TBC1D22A: variants seen among roughly 807,000 people sequenced by gnomAD.
The protein encoded by TBC1D22A is putative GTPase activator.
TBC1D22A carries 38 observed loss-of-function variants against 60.2 expected under a neutral mutation model. The ratio of observed to expected loss-of-function variants is 0.63; its 90% CI spans 0.49 to 0.83. The LOEUF is 0.83. Among genes scored for constraint, TBC1D22A ranks in the 40% least tolerant of loss-of-function variants. TBC1D22A has a pLI of 0.00. For missense variants in TBC1D22A, 628 were observed against 701.0 expected (o/e 0.90, Z 1.18); for synonymous variants, 302 against 281.7 (o/e 1.07, Z -0.72).
At chr22:47,053,358 G>C (rs933386544) in intron 11 of TBC1D22A, among the ~76,000 whole-genome samples, 3 of 152,234 alleles carry the variant, frequency 2.0e-5, no homozygotes, top group Admixed American at 2.0e-4. Flanking sequence ...GAGCCTGGGG[G>C]CTTTGCTATC....
intron 9 of TBC1D22A, among the ~76,000 whole-genome samples, chr22:46,983,901 C>G (rs1316853228): frequency 7.9e-6 from 1 of 127,038 alleles, no homozygotes; most frequent in Non-Finnish European, 1.7e-5. Context: ...TGGGCCGATT[C>G]CAGCTGAGGG....
intron 5 of TBC1D22A, among the ~76,000 whole-genome samples, chr22:46,882,835 A>G (rs1030218299): frequency 2.0e-5 from 3 of 152,240 alleles, no homozygotes; most frequent in Admixed American, 1.3e-4. Context: ...GGGTCTGGCA[A>G]ACATCATGAC....
intron 12 of TBC1D22A, among the ~76,000 whole-genome samples, chr22:47,167,821 G>A (rs945714158): frequency 2.0e-5 from 3 of 152,194 alleles, no homozygotes; most frequent in African/African-American, 7.2e-5. Flanking sequence ...GTAAGACGGG[G>A]ATGGAAGTTC....
intron 10 of TBC1D22A, among the ~76,000 whole-genome samples, chr22:47,022,112 A>G (rs974866273): frequency 2.0e-5 from 3 of 152,178 alleles, no homozygotes; most frequent in Non-Finnish European, 2.9e-5. Context: ...TGAGCACCAA[A>G]TGTTGGACAT....
intron 9 of TBC1D22A, among the ~76,000 whole-genome samples, chr22:46,984,980 G>A (rs2074666430): frequency 6.6e-6 from 1 of 152,212 alleles, no homozygotes; most frequent in East Asian, 1.9e-4. Context: ...GCTTCTTACA[G>A]TGCTTGCTCC....
At chr22:46,907,304 T>C (rs2069559384) in intron 7 of TBC1D22A, among the ~76,000 whole-genome samples, 1 of 152,180 alleles carries the variant, frequency 6.6e-6, no homozygotes. Flanking sequence ...TTCAATGGAG[T>C]TACTTCTGCC....
intron 8 of TBC1D22A, among the ~76,000 whole-genome samples, chr22:46,951,767 G>A (rs901422484): frequency 2.0e-5 from 3 of 152,198 alleles, no homozygotes; most frequent in Admixed American, 2.0e-4. Context: ...TTGTGCTGCC[G>A]GAAGCAGAAG....
intron 4 of TBC1D22A, among the ~76,000 whole-genome samples, chr22:46,822,322 TGGCCTTTTG>T (rs201177654): frequency 0.014 from 2,134 of 152,270 alleles, 48 homozygotes; most frequent in African/African-American, 0.048. Context: ...TGAGGCACTC[TGGCCTTTTG>T]GGTTTTCAGC....
At chr22:46,935,380 T>C (rs2071586201) in intron 8 of TBC1D22A, among the ~76,000 whole-genome samples, 1 of 152,148 alleles carries the variant, frequency 6.6e-6, no homozygotes, top group Non-Finnish European at 1.5e-5. Flanking sequence ...TCAAAAAAAT[T>C]ATAATCCTGA....
At chr22:47,120,459 CT>C in intron 12 of TBC1D22A, among the ~76,000 whole-genome samples, 1 of 152,318 alleles carries the variant, frequency 6.6e-6, no homozygotes. Flanking sequence ...TAACAAAATG[CT>C]TTTTAAGTTC....
chr22:46,967,769 C>T (rs1461303345), intron 8 of TBC1D22A, among the ~76,000 whole-genome samples: 1 of 152,102 alleles, frequency 6.6e-6, no homozygotes, highest in Non-Finnish European at 1.5e-5. Flanking sequence ...TTTTCGAGAA[C>T]CCCCTGGTAA....
chr22:47,132,526 G>C (rs1216154852), intron 12 of TBC1D22A, among the ~76,000 whole-genome samples: 9 of 145,954 alleles, frequency 6.2e-5, no homozygotes, highest in Non-Finnish European at 1.1e-4. Flanking sequence ...CCGCCCTGCT[G>C]TCTCTGGCCT....
chr22:47,007,516 A>G (rs941925241), intron 10 of TBC1D22A, among the ~76,000 whole-genome samples: 2 of 152,212 alleles, frequency 1.3e-5, no homozygotes, highest in African/African-American at 4.8e-5. Context: ...AACATACCAC[A>G]GGCTGGTGGC....
At chr22:46,848,685 G>C (rs1286771937) in intron 4 of TBC1D22A, among the ~76,000 whole-genome samples, 1 of 152,148 alleles carries the variant, frequency 6.6e-6, no homozygotes, top group African/African-American at 2.4e-5. Context: ...TGCTGTTACT[G>C]TATATTACTT....
At chr22:47,051,063 C>T (rs1006177982) in intron 11 of TBC1D22A, among the ~76,000 whole-genome samples, 2 of 152,188 alleles carry the variant, frequency 1.3e-5, no homozygotes, top group Non-Finnish European at 2.9e-5. Context: ...CAGGGGGCTT[C>T]CGTGGGTTCT....
chr22:46,974,219 T>C, intron 8 of TBC1D22A, 71 bp from the exon 9 acceptor site: 2 of 1,304,514 alleles, frequency 1.5e-6, no homozygotes, highest in Non-Finnish European at 2.2e-6. Context: ...TGTTCCTCCG[T>C]GGGCCCCCTC....
chr22:46,972,639 G>A lies in TBC1D22A; in HGVS notation c.1016-1651G>A, dbSNP rs543419653. Reference sequence around the variant, plus strand: ...TTCGTGGTTGCCAGGCGTGGGGTGGGGAGTGGGGAGCGGCTGCTGAAGGGT... The same window carrying A: ...TTCGTGGTTGCCAGGCGTGGGGTGGAGAGTGGGGAGCGGCTGCTGAAGGGT... On this transcript the variant is annotated intron_variant, in intron 8 of 12. Coordinates refer to ENST00000337137, the MANE Select transcript of TBC1D22A (RefSeq NM_014346.5). Among the ~76,000 whole-genome samples, 6 of 152,312 alleles carry A rather than the reference G, an allele frequency of 3.9e-5. No individual in the cohort carries two copies. The East Asian group carries it at 1.2e-3, about 29-fold the overall frequency.
At chr22:46,917,276 T>A (rs929376765) in intron 8 of TBC1D22A, among the ~76,000 whole-genome samples, 3 of 151,684 alleles carry the variant, frequency 2.0e-5, no homozygotes, top group Admixed American at 2.0e-4. Flanking sequence ...CATCTTAGAG[T>A]TTGTAACAGC....
intron 7 of TBC1D22A, among the ~76,000 whole-genome samples, chr22:46,902,952 G>T (rs550920382): frequency 5.3e-5 from 8 of 151,202 alleles, no homozygotes; most frequent in Admixed American, 4.6e-4. Flanking sequence ...TTCCAGGGTG[G>T]CTGAAAGAAT....
Sources: gnomAD v4.1 joint callset for allele counts (sites outside exome capture counted in the v4.1 genomes callset) on GRCh38, gnomAD v4.1.1 for gene constraint, MANE v1.5 for transcripts, NCBI Gene and HGNC (gene_info 2026-07-23, HGNC 2026-07-21) for gene names.